The following OXR1 variants were observed in gnomAD, a reference collection of about 807,000 sequenced individuals.
OXR1 encodes oxidation resistance protein 1.
Under a neutral mutation model 104.6 loss-of-function variants are expected in OXR1, and 41 were observed. The observed-to-expected ratio is 0.39, with a 90% CI of 0.31 to 0.51. The LOEUF is 0.51. Ranked by LOEUF, OXR1 falls within the 20% of genes least tolerant of loss-of-function variation. The pLI is 0.77. For synonymous variants in OXR1, 348 were observed against 348.4 expected, an observed-to-expected ratio of 1.00 and a Z score of 0.01; for missense variants, 955 against 1,031.9, an observed-to-expected ratio of 0.93 and a Z score of 1.02.
chr8:106,683,324 AT>A lies in OXR1; in HGVS notation c.411+19del. On this transcript the variant is annotated intron_variant, in intron 5 of 16. Coordinates refer to ENST00000517566, the MANE Select transcript of OXR1 (RefSeq NM_001198533.2). ...CTGGACAGGTAGTATCTTTTTTTTA[AT>A]GTGCTGATGTTTAGAAACATTAAAC... 4 of 1,126,828 alleles carry A rather than the reference AT, an allele frequency of 3.5e-6. No individual in the cohort carries two copies. Among genetic ancestry groups the A allele is most frequent in the Non-Finnish European group, 5.4e-6 (4 of 739,364 alleles). The allele number at this position is 1,126,828 out of a possible 1,614,324, so 69.8% of individuals were successfully genotyped here. A position where few individuals can be genotyped will look rare whatever the true frequency, so the allele number is the denominator to read the frequency against.
intron 3 of OXR1, chr8:106,658,142 CCCGCCCCA>C (rs1825334080): frequency 8.0e-7 from 1 of 1,245,806 alleles, no homozygotes; most frequent in Admixed American, 4.2e-5. Flanking sequence ...GGTGCGGGTC[CCCGCCCCA>C]CCGGCCCCCG....
At chr8:106,327,950 A>G (rs1336918479) in intron 1 of OXR1, among the ~76,000 whole-genome samples, 3 of 152,328 alleles carry the variant, frequency 2.0e-5, no homozygotes, top group South Asian at 4.1e-4. Context: ...CAGAAATCCA[A>G]TTCAAATTAT....
chr8:106,565,198 C>T (rs766060639), intron 3 of OXR1, among the ~76,000 whole-genome samples: 1 of 152,118 alleles, frequency 6.6e-6, no homozygotes, highest in Non-Finnish European at 1.5e-5. Flanking sequence ...TCTGTGTTTG[C>T]AGATGACATG....
At chr8:106,414,746 A>G (rs1370998976) in intron 2 of OXR1, among the ~76,000 whole-genome samples, 1 of 152,122 alleles carries the variant, frequency 6.6e-6, no homozygotes, top group Non-Finnish European at 1.5e-5. Context: ...GGCCAGAACA[A>G]TCTTTGGAAG....
intron 11 of OXR1, among the ~76,000 whole-genome samples, chr8:106,714,979 C>T (rs1251291021): frequency 5.3e-5 from 8 of 151,992 alleles, no homozygotes; most frequent in Non-Finnish European, 7.4e-5. Context: ...AAGAACATAT[C>T]GACCATGTAT....
At chr8:106,673,868 C>T (rs1368858846) in intron 3 of OXR1, among the ~76,000 whole-genome samples, 3 of 152,090 alleles carry the variant, frequency 2.0e-5, no homozygotes, top group Non-Finnish European at 4.4e-5. Flanking sequence ...CTGTGGGTGC[C>T]CAGAACTCAT....
At chr8:106,357,595 T>C (rs1168097848) in intron 1 of OXR1, among the ~76,000 whole-genome samples, 1 of 152,096 alleles carries the variant, frequency 6.6e-6, no homozygotes, top group African/African-American at 2.4e-5. Flanking sequence ...TTTATTTTTG[T>C]GCTTTTTTAA....
intron 2 of OXR1, among the ~76,000 whole-genome samples, chr8:106,468,435 A>G (rs1482510485): frequency 6.6e-6 from 1 of 151,804 alleles, no homozygotes; most frequent in Non-Finnish European, 1.5e-5. Flanking sequence ...AAACAACAAC[A>G]CTTCAGGATG....
chr8:106,501,882 A>C (rs893792134), intron 2 of OXR1, among the ~76,000 whole-genome samples: 1 of 152,202 alleles, frequency 6.6e-6, no homozygotes, highest in East Asian at 1.9e-4. Context: ...CTACAGATAG[A>C]AAGATTAACA....
chr8:106,304,551 A>C (rs1206770921), intron 1 of OXR1, among the ~76,000 whole-genome samples: 1 of 152,192 alleles, frequency 6.6e-6, no homozygotes, highest in African/African-American at 2.4e-5. Context: ...AGTAAAAAGA[A>C]GTAGGTGAAA....
intron 2 of OXR1, among the ~76,000 whole-genome samples, chr8:106,467,885 G>A (rs556408222): frequency 9.9e-5 from 15 of 151,878 alleles, no homozygotes; most frequent in Non-Finnish European, 1.8e-4. Context: ...ATGGAAGATA[G>A]TAACGTTTTG....
chr8:106,606,319 G>A lies in OXR1; in HGVS notation c.221-72891G>A, dbSNP rs187419866. Among the ~76,000 whole-genome samples, 240 of 82,622 alleles carry A rather than the reference G, an allele frequency of 2.9e-3. 2 individuals are homozygous for A. The highest frequency in any genetic ancestry group is 0.013 in the African/African-American group (231 of 17,566). The allele number at this position is 82,622 out of a possible 152,430, so 54.2% of individuals were successfully genotyped here. On this transcript the variant is annotated intron_variant, in intron 3 of 16. Coordinates refer to ENST00000517566, the MANE Select transcript of OXR1 (RefSeq NM_001198533.2). ...TTATTTATTTATTTATTTATTTATTGAGACAGAGTCCCACTCTGTTGCCCA... is the reference window on the plus strand; with the variant it reads ...TTATTTATTTATTTATTTATTTATTAAGACAGAGTCCCACTCTGTTGCCCA...
At chr8:106,310,474 C>G (rs183586395) in intron 1 of OXR1, among the ~76,000 whole-genome samples, 1 of 152,272 alleles carries the variant, frequency 6.6e-6, no homozygotes, top group Non-Finnish European at 1.5e-5. Flanking sequence ...CCTGACAATT[C>G]TCTTTGCTTT....
At chr8:106,685,856 C>A (rs1346300309) in intron 6 of OXR1, among the ~76,000 whole-genome samples, 1 of 151,980 alleles carries the variant, frequency 6.6e-6, no homozygotes, top group Non-Finnish European at 1.5e-5. Flanking sequence ...TTTGCAATTG[C>A]AAAAATAGGG....
At chr8:106,302,025 A>G (rs374424716) in intron 1 of OXR1, among the ~76,000 whole-genome samples, 12 of 152,338 alleles carry the variant, frequency 7.9e-5, no homozygotes, top group East Asian at 7.7e-4. Context: ...GATAATAGGG[A>G]TAAGAAAGGA....
At chr8:106,679,694 A>C (rs1827957675) in intron 4 of OXR1, among the ~76,000 whole-genome samples, 1 of 152,010 alleles carries the variant, frequency 6.6e-6, no homozygotes, top group Admixed American at 6.6e-5. Flanking sequence ...CTTCCAGTAT[A>C]ACCTTCCACA....
intron 2 of OXR1, among the ~76,000 whole-genome samples, chr8:106,432,486 G>A (rs7838834): frequency 2.2e-4 from 34 of 152,118 alleles, no homozygotes; most frequent in South Asian, 1.5e-3. Flanking sequence ...GGGCCTTTGC[G>A]TTTGCTCGTT....
At chr8:106,482,454 T>C (rs757134889) in intron 2 of OXR1, among the ~76,000 whole-genome samples, 1 of 150,270 alleles carries the variant, frequency 6.7e-6, no homozygotes, top group Non-Finnish European at 1.5e-5. Context: ...CCATGGCCCC[T>C]GCAAAGCTCT....
At chr8:106,710,528 A>G (rs940701810) in intron 9 of OXR1, 94 bp from the exon 10 acceptor site, 4 of 715,974 alleles carry the variant, frequency 5.6e-6, no homozygotes, top group African/African-American at 5.5e-5. Context: ...TTTATTCTGT[A>G]ACTATTTGTC....
Sources: allele counts gnomAD v4.1 joint callset (sites outside exome capture counted in the v4.1 genomes callset), GRCh38; gene constraint gnomAD v4.1.1; transcripts MANE v1.5; gene names NCBI Gene and HGNC (gene_info 2026-07-23, HGNC 2026-07-21).